NELL1: variants seen among roughly 807,000 people sequenced by gnomAD.
NELL1 encodes protein kinase C-binding protein NELL1.
NELL1 carries 76 observed loss-of-function variants against 107.4 expected under a neutral mutation model. The ratio of observed to expected loss-of-function variants is 0.71; its 90% CI spans 0.59 to 0.86. The LOEUF (loss-of-function observed/expected upper bound fraction) is 0.86, where lower values mean the gene tolerates loss of function less well. Among genes scored for constraint, NELL1 ranks in the 40% least tolerant of loss-of-function variants. The pLI, the probability that NELL1 is intolerant of heterozygous loss-of-function variation, is 0.00. For synonymous variants in NELL1, 353 were observed against 341.2 expected (o/e 1.03, Z -0.38); for missense variants, 1,024 against 1,005.5 (o/e 1.02, Z -0.25).
At chr11:20,989,893 A>G (rs749224361) in intron 12 of NELL1, among the ~76,000 whole-genome samples, 1 of 151,458 alleles carries the variant, frequency 6.6e-6, no homozygotes, top group African/African-American at 2.4e-5. Flanking sequence ...GCTACTCAGG[A>G]GGCTGAGGCA....
At chr11:21,141,628 AG>A (rs1366649586) in intron 13 of NELL1, among the ~76,000 whole-genome samples, 4 of 152,218 alleles carry the variant, frequency 2.6e-5, no homozygotes, top group African/African-American at 9.6e-5. Context: ...GAATGATAAA[AG>A]GAGGTGATTA....
chr11:20,809,962 T>G (rs1857464419), intron 3 of NELL1, among the ~76,000 whole-genome samples: 1 of 152,246 alleles, frequency 6.6e-6, no homozygotes, highest in Non-Finnish European at 1.5e-5. Flanking sequence ...ATGGCTGTAC[T>G]AATTTGCATT....
At chr11:21,204,694 CT>C (rs1857350249) in intron 13 of NELL1, among the ~76,000 whole-genome samples, 1 of 151,860 alleles carries the variant, frequency 6.6e-6, no homozygotes, top group South Asian at 2.1e-4. Flanking sequence ...AAGAGGAGTT[CT>C]TTTTTTCTGG....
At chr11:21,071,494 A>G (rs1329837711) in intron 12 of NELL1, among the ~76,000 whole-genome samples, 2 of 152,206 alleles carry the variant, frequency 1.3e-5, no homozygotes, top group African/African-American at 2.4e-5. Context: ...AAAAACTACA[A>G]AGAATATTTT....
intron 2 of NELL1, among the ~76,000 whole-genome samples, chr11:20,714,194 ATTT>A (rs34441596): frequency 0.015 from 954 of 61,698 alleles, 15 homozygotes; most frequent in African/African-American, 0.057. Context: ...TATCTCCCCG[ATTT>A]TTTTTTTTTT....
intron 2 of NELL1, among the ~76,000 whole-genome samples, chr11:20,744,955 A>G (rs1186884177): frequency 6.6e-6 from 1 of 152,130 alleles, no homozygotes; most frequent in African/African-American, 2.4e-5. Flanking sequence ...TTAGTTTATG[A>G]CTTATGTGTT....
At chr11:21,324,337 G>A (rs1850080436) in intron 14 of NELL1, among the ~76,000 whole-genome samples, 1 of 151,992 alleles carries the variant, frequency 6.6e-6, no homozygotes, top group Non-Finnish European at 1.5e-5. Flanking sequence ...GCCTTTCATG[G>A]AGAATTATCT....
intron 14 of NELL1, among the ~76,000 whole-genome samples, chr11:21,321,148 C>T (rs1455675116): frequency 6.6e-6 from 1 of 152,208 alleles, no homozygotes; most frequent in Non-Finnish European, 1.5e-5. Context: ...TTCCCTGGCT[C>T]TGAAAATGCA....
chr11:21,212,778 T>G (rs1223687649), intron 13 of NELL1, among the ~76,000 whole-genome samples: 1 of 152,226 alleles, frequency 6.6e-6, no homozygotes, highest in Non-Finnish European at 1.5e-5. Flanking sequence ...AAAGACTGAA[T>G]GCTTTTCTCC....
At chr11:21,560,930 CTTATA>C (rs1564961454) in intron 17 of NELL1, among the ~76,000 whole-genome samples, 5 of 151,912 alleles carry the variant, frequency 3.3e-5, no homozygotes, top group Non-Finnish European at 7.4e-5. Context: ...TGGGCCATTC[CTTATA>C]TTAAGTTGTT....
At chr11:21,492,446 C>A (rs35082104) in intron 15 of NELL1, among the ~76,000 whole-genome samples, 1 of 151,712 alleles carries the variant, frequency 6.6e-6, no homozygotes, top group Non-Finnish European at 1.5e-5. Flanking sequence ...CACATGCACA[C>A]GTATGTTTAT....
intron 15 of NELL1, among the ~76,000 whole-genome samples, chr11:21,496,883 T>A (rs941679738): frequency 2.0e-5 from 3 of 152,130 alleles, no homozygotes; most frequent in African/African-American, 7.2e-5. Context: ...GTGTTTGGTT[T>A]TTTTGTCCTT....
chr11:21,480,124 A>G (rs1196378104), intron 15 of NELL1, among the ~76,000 whole-genome samples: 4 of 152,142 alleles, frequency 2.6e-5, no homozygotes, highest in Non-Finnish European at 5.9e-5. Flanking sequence ...TGTCTCTCAA[A>G]TTTAACTAGG....
chr11:21,252,507 T>G (rs577058327), intron 14 of NELL1, among the ~76,000 whole-genome samples: 2 of 152,244 alleles, frequency 1.3e-5, no homozygotes, highest in East Asian at 3.9e-4. Flanking sequence ...GGAAGGTATT[T>G]TCATCTGAAA....
intron 14 of NELL1, among the ~76,000 whole-genome samples, chr11:21,281,632 C>A (rs1848996879): frequency 6.6e-6 from 1 of 152,102 alleles, no homozygotes. Context: ...AGGACTGACC[C>A]AGCATAGTTC....
intron 15 of NELL1, among the ~76,000 whole-genome samples, chr11:21,442,942 C>CTTTTTTTTTTTTTTTTTTT (rs66501874): frequency 1.7e-5 from 1 of 57,590 alleles, no homozygotes; most frequent in Non-Finnish European, 3.3e-5. Context: ...GCTATCTTTC[C>CTTTTTTTTTTTTTTTTTTT]TTTTTTTTTT....
At chr11:21,100,226 C>T (rs1213797825) in intron 12 of NELL1, among the ~76,000 whole-genome samples, 1 of 152,110 alleles carries the variant, frequency 6.6e-6, no homozygotes, top group Non-Finnish European at 1.5e-5. Context: ...CCACGTTGCC[C>T]AGGCTGGTGT....
chr11:21,546,437 C>T (rs1856444688), intron 16 of NELL1, among the ~76,000 whole-genome samples: 1 of 151,970 alleles, frequency 6.6e-6, no homozygotes, highest in Non-Finnish European at 1.5e-5. Flanking sequence ...TGTCCCCACC[C>T]AAATCTCATT....
chr11:21,075,706 T>G (rs1854119007), intron 12 of NELL1, among the ~76,000 whole-genome samples: 1 of 152,226 alleles, frequency 6.6e-6, no homozygotes, highest in African/African-American at 2.4e-5. Flanking sequence ...GTGCTGGGAT[T>G]ACAGGCGTGA....
Sources: gnomAD v4.1 joint callset for allele counts (sites outside exome capture counted in the v4.1 genomes callset) on GRCh38, gnomAD v4.1.1 for gene constraint, MANE v1.5 for transcripts, NCBI Gene and HGNC (gene_info 2026-07-23, HGNC 2026-07-21) for gene names.